The following CACNG2 variants were observed in gnomAD, a reference collection of about 807,000 sequenced individuals.
CACNG2 encodes the protein calcium voltage-gated channel auxiliary subunit gamma 2.
In CACNG2, 3 loss-of-function variants were observed where a neutral mutation model predicts 25.9. The ratio of observed to expected loss-of-function variants is 0.12; its 90% CI spans 0.05 to 0.30. The LOEUF (loss-of-function observed/expected upper bound fraction) is 0.30. CACNG2 is among the 10% of genes least tolerant of loss of function. The pLI is 1.00. For synonymous variants in CACNG2, 167 were observed against 173.3 expected, an observed-to-expected ratio of 0.96 and a Z score of 0.29; for missense variants, 341 against 432.5, an observed-to-expected ratio of 0.79 and a Z score of 1.88.
At chr22:36,685,203 G>C (rs1022598234) in intron 1 of CACNG2, among the ~76,000 whole-genome samples, 4 of 152,118 alleles carry the variant, frequency 2.6e-5, no homozygotes, top group Non-Finnish European at 5.9e-5. Context: ...GGGGCGGGCA[G>C]GCCTCTCTCT....
chr22:36,596,387 G>T (rs1201942749), intron 1 of CACNG2, among the ~76,000 whole-genome samples: 3 of 152,218 alleles, frequency 2.0e-5, no homozygotes, highest in African/African-American at 7.2e-5. Flanking sequence ...GGGTTGGATG[G>T]TTTGCAACAA....
At chr22:36,673,771 A>C (rs978261631) in intron 1 of CACNG2, among the ~76,000 whole-genome samples, 3 of 152,104 alleles carry the variant, frequency 2.0e-5, no homozygotes, top group African/African-American at 4.8e-5. Flanking sequence ...TGGACAGAGC[A>C]CTTTACAGTT....
At chr22:36,687,941 C>A (rs1937222493) in intron 1 of CACNG2, among the ~76,000 whole-genome samples, 1 of 152,160 alleles carries the variant, frequency 6.6e-6, no homozygotes, top group African/African-American at 2.4e-5. Flanking sequence ...GGTTCTAGCC[C>A]AGTGAGACCC....
intron 2 of CACNG2, among the ~76,000 whole-genome samples, chr22:36,574,627 A>T (rs934956839): frequency 6.6e-6 from 1 of 152,170 alleles, no homozygotes; most frequent in Non-Finnish European, 1.5e-5. Context: ...CTAAAAAAAT[A>T]CAAAATTAGC....
intron 3 of CACNG2, 32 bp downstream of exon 3, chr22:36,566,321 C>A: frequency 2.5e-6 from 4 of 1,611,818 alleles, no homozygotes; most frequent in Non-Finnish European, 3.4e-6. Flanking sequence ...CAGCCTTCTT[C>A]CCAGTGGCAG....
chr22:36,602,399 T>A (rs759428536), intron 1 of CACNG2, among the ~76,000 whole-genome samples: 38 of 151,942 alleles, frequency 2.5e-4, no homozygotes, highest in African/African-American at 5.3e-4. Flanking sequence ...ATATATATAT[T>A]TTTTGAGACA....
chr22:36,602,874 C>T (rs887864021), intron 1 of CACNG2, among the ~76,000 whole-genome samples: 2 of 151,940 alleles, frequency 1.3e-5, no homozygotes, highest in Non-Finnish European at 2.9e-5. Flanking sequence ...TCTCCTTGGA[C>T]CCCCCTATTC....
chr22:36,680,177 T>TTACCACCACCATCAC (rs1406379132), intron 1 of CACNG2, among the ~76,000 whole-genome samples: 4 of 126,654 alleles, frequency 3.2e-5, no homozygotes, highest in African/African-American at 8.8e-5. Flanking sequence ...GTCACCACCA[T>TTACCACCACCATCAC]TACCACCACC....
Position 36,587,520 on chromosome 22 carries a change from A to G in CACNG2, c.240T>C (p.Ile80=), listed in dbSNP as rs756872279. 6.2e-7 allele frequency: 1 copy of G among 1,613,662 alleles called. No individual in the cohort carries two copies. Among genetic ancestry groups the G allele is most frequent in the Non-Finnish European group, 8.5e-7 (1 of 1,179,528 alleles). ...AATCTGCATCCTCTGGGAAGTGATC[A>G]ATTTGCTTGCACAGACCTTTGAAAT... ...EGNFKGLCKQ[I]DHFPEDADYE... Residue 80 remains isoleucine, a synonymous_variant, in exon 2 of 4, where the codon ATT becomes ATC. Coordinates refer to ENST00000300105, the MANE Select transcript of CACNG2 (RefSeq NM_006078.5).
At chr22:36,614,216 C>A (rs1478001324) in intron 1 of CACNG2, among the ~76,000 whole-genome samples, 2 of 152,164 alleles carry the variant, frequency 1.3e-5, no homozygotes, top group African/African-American at 4.8e-5. Context: ...CCAGGACCCA[C>A]CACGCTCTCT....
rs548251172 is a variant in CACNG2, at chr22:36,668,353, C to T, written c.211+34013G>A. Among the ~76,000 whole-genome samples the T allele has an allele frequency of 7.2e-5, 11 of 152,204 alleles. No homozygotes were observed. In the East Asian group the frequency reaches 1.5e-3, roughly 21 times the overall value. On this transcript the variant is annotated intron_variant, in intron 1 of 3. Coordinates refer to ENST00000300105, the MANE Select transcript of CACNG2 (RefSeq NM_006078.5). ...TAGAATATATATAGAGAGATATAAG[C>T]GGAGACTTATTACAGGAATTGGCTC...
intron 1 of CACNG2, among the ~76,000 whole-genome samples, chr22:36,659,463 T>C (rs1180197028): frequency 1.3e-5 from 2 of 152,086 alleles, no homozygotes. Flanking sequence ...GTGAGGAAAC[T>C]GAGGCTCAGA....
chr22:36,638,255 G>A (rs1936388796), intron 1 of CACNG2, among the ~76,000 whole-genome samples: 2 of 152,078 alleles, frequency 1.3e-5, no homozygotes, highest in Admixed American at 1.3e-4. Context: ...TTCTCTGCTC[G>A]CATTGCCCAC....
chr22:36,661,555 G>A (rs147419906), intron 1 of CACNG2, among the ~76,000 whole-genome samples: 10 of 152,310 alleles, frequency 6.6e-5, no homozygotes, highest in African/African-American at 2.4e-4. Flanking sequence ...CATATTAAGC[G>A]ATCCTGTCAT....
intron 1 of CACNG2, among the ~76,000 whole-genome samples, chr22:36,653,918 AT>A (rs35016759): frequency 0.032 from 4,243 of 132,922 alleles, 104 homozygotes; most frequent in Middle Eastern, 0.083. Context: ...CAGACGTTAG[AT>A]TTTTTTTTTT....
intron 2 of CACNG2, among the ~76,000 whole-genome samples, chr22:36,568,508 G>T (rs924712670): frequency 3.3e-5 from 5 of 151,918 alleles, no homozygotes; most frequent in African/African-American, 1.2e-4. Flanking sequence ...AGGTTCAAGC[G>T]ATTCTCCTGC....
intron 2 of CACNG2, among the ~76,000 whole-genome samples, chr22:36,578,985 A>G (rs2145915878): frequency 6.6e-6 from 1 of 152,314 alleles, no homozygotes; most frequent in Non-Finnish European, 1.5e-5. Context: ...ACCTCCCCGC[A>G]CAGCAGCCTC....
chr22:36,646,769 C>A (rs1936530829), intron 1 of CACNG2, among the ~76,000 whole-genome samples: 1 of 151,178 alleles, frequency 6.6e-6, no homozygotes, highest in Non-Finnish European at 1.5e-5. Flanking sequence ...ACCCCACCCT[C>A]CCAGCTGCAG....
At chr22:36,586,282 C>A (rs951281476) in intron 2 of CACNG2, among the ~76,000 whole-genome samples, 7 of 152,246 alleles carry the variant, frequency 4.6e-5, no homozygotes, top group Non-Finnish European at 1.0e-4. Flanking sequence ...CCTGCAGCCC[C>A]ACCCCAGACA....
Sources: allele counts gnomAD v4.1 joint callset (sites outside exome capture counted in the v4.1 genomes callset), GRCh38; gene constraint gnomAD v4.1.1; transcripts MANE v1.5; gene names NCBI Gene and HGNC (gene_info 2026-07-23, HGNC 2026-07-21).